CAST: variants seen among roughly 807,000 people sequenced by gnomAD.
CAST encodes calpastatin.
In CAST, 76 loss-of-function variants were observed where a neutral mutation model predicts 119.6. That is an observed-to-expected ratio of 0.64 (90% CI 0.53 to 0.77). CAST has a LOEUF of 0.77. Ranked by LOEUF, CAST falls within the 30% of genes least tolerant of loss-of-function variation. The pLI, the probability that CAST is intolerant of heterozygous loss-of-function variation, is 0.00. For synonymous variants in CAST, 319 were observed against 331.6 expected (o/e 0.96, Z 0.41); for missense variants, 953 against 946.5 (o/e 1.01, Z -0.09).
chr5:96,608,580 T>A (rs952542897), intron 1 of CAST, among the ~76,000 whole-genome samples: 23 of 151,938 alleles, frequency 1.5e-4, no homozygotes, highest in African/African-American at 5.6e-4. Context: ...CATAAATATA[T>A]GACAACAAAA....
At chr5:96,630,534 C>T (rs1747802153) in intron 1 of CAST, among the ~76,000 whole-genome samples, 1 of 152,178 alleles carries the variant, frequency 6.6e-6, no homozygotes, top group Non-Finnish European at 1.5e-5. Context: ...TACCTGTAAT[C>T]CCAGCACTTT....
chr5:95,987,662 C>T, the CAST span, among the ~76,000 whole-genome samples: 1 of 152,122 alleles, frequency 6.6e-6, no homozygotes, highest in Non-Finnish European at 1.5e-5. Flanking sequence ...GTCACTTAGT[C>T]TCTCTGAGCC....
chr5:96,549,245 T>C (rs542269269), intron 1 of CAST, among the ~76,000 whole-genome samples: 36 of 152,168 alleles, frequency 2.4e-4, no homozygotes, highest in African/African-American at 8.2e-4. Flanking sequence ...AATTTCGAAA[T>C]AGACTCAAAG....
intron 1 of CAST, among the ~76,000 whole-genome samples, chr5:96,611,755 G>GA (rs1180519886): frequency 6.6e-6 from 1 of 151,370 alleles, no homozygotes; most frequent in Non-Finnish European, 1.5e-5. Flanking sequence ...AAATCAACAA[G>GA]AAAAAACCCA....
At chr5:96,025,390 C>T in the CAST span, among the ~76,000 whole-genome samples, 1 of 152,124 alleles carries the variant, frequency 6.6e-6, no homozygotes, top group South Asian at 2.1e-4. Flanking sequence ...ATGAAAGCTT[C>T]ACCTTCATGA....
chr5:96,599,469 TC>T (rs1490343651), intron 1 of CAST, among the ~76,000 whole-genome samples: 1 of 152,214 alleles, frequency 6.6e-6, no homozygotes, highest in Non-Finnish European at 1.5e-5. Context: ...TACTGTAATA[TC>T]GGGCTGACTT....
chr5:96,496,566 C>T, the CAST span, among the ~76,000 whole-genome samples: 3 of 152,148 alleles, frequency 2.0e-5, no homozygotes, highest in African/African-American at 7.2e-5. Flanking sequence ...GTAGTTTTTA[C>T]TAAGTTTCTA....
chr5:96,459,863 G>A, the CAST span, among the ~76,000 whole-genome samples: 1 of 152,146 alleles, frequency 6.6e-6, no homozygotes. Context: ...GTGTGTCTAG[G>A]TAAGCAAGAC....
intron 31 of CAST, 55 bp downstream of exon 31, chr5:96,771,757 G>A: frequency 1.8e-6 from 2 of 1,126,106 alleles, no homozygotes; most frequent in East Asian, 2.4e-5. Flanking sequence ...GCCAATTTAT[G>A]TGTTATAGAT....
the CAST span, among the ~76,000 whole-genome samples, chr5:96,380,294 A>G: frequency 6.6e-6 from 1 of 152,178 alleles, no homozygotes; most frequent in Non-Finnish European, 1.5e-5. Context: ...AAAATTCCAG[A>G]TGCAATTAAA....
At chr5:95,981,649 G>A in the CAST span, among the ~76,000 whole-genome samples, 5 of 152,264 alleles carry the variant, frequency 3.3e-5, no homozygotes, top group African/African-American at 1.2e-4. Context: ...GCCGAGGCGG[G>A]CGGATCACGT....
chr5:96,491,831 G>T, the CAST span, among the ~76,000 whole-genome samples: 1 of 152,206 alleles, frequency 6.6e-6, no homozygotes, highest in Non-Finnish European at 1.5e-5. Flanking sequence ...CAATGAAGAT[G>T]AACTAAAACT....
chr5:96,184,716 T>C, the CAST span, among the ~76,000 whole-genome samples: 48 of 152,262 alleles, frequency 3.2e-4, no homozygotes, highest in Non-Finnish European at 5.1e-4. Flanking sequence ...TAGTATTCCA[T>C]GGTGTATATG....
chr5:96,321,086 G>A, the CAST span, among the ~76,000 whole-genome samples: 12 of 152,148 alleles, frequency 7.9e-5, no homozygotes, highest in Non-Finnish European at 1.6e-4. Flanking sequence ...TATCTCTCCA[G>A]GTTACCTACC....
chr5:96,344,875 G>A, the CAST span, among the ~76,000 whole-genome samples: 1 of 152,114 alleles, frequency 6.6e-6, no homozygotes, highest in Non-Finnish European at 1.5e-5. Context: ...TACACAAATA[G>A]AGCTGAAAAA....
At chr5:96,485,205 G>A in the CAST span, among the ~76,000 whole-genome samples, 2 of 152,032 alleles carry the variant, frequency 1.3e-5, no homozygotes, top group African/African-American at 4.8e-5. Context: ...AAGTGAGTGT[G>A]GATTAGGGAG....
chr5:96,564,091 C>T (rs561656600), intron 1 of CAST, among the ~76,000 whole-genome samples: 31 of 152,264 alleles, frequency 2.0e-4, no homozygotes, highest in Middle Eastern at 3.4e-3. Flanking sequence ...GAACCCTGAC[C>T]GCTGCATAAT....
chr5:96,658,252 T>G (rs540700370), upstream of CAST, among the ~76,000 whole-genome samples: 10 of 152,264 alleles, frequency 6.6e-5, no homozygotes, highest in East Asian at 1.9e-3. Context: ...AAATTTGGTT[T>G]CTTGTTGCCT....
At chr5:96,416,142 AT>A in the CAST span, 1 of 1,475,570 alleles carries the variant, frequency 6.8e-7, no homozygotes, top group Non-Finnish European at 9.5e-7. Context: ...AAAAATAAGA[AT>A]TATAAAACAT....
Sources: gnomAD v4.1 joint callset for allele counts (sites outside exome capture counted in the v4.1 genomes callset) on GRCh38, gnomAD v4.1.1 for gene constraint, MANE v1.5 for transcripts, NCBI Gene and HGNC (gene_info 2026-07-23, HGNC 2026-07-21) for gene names.